RAVER2: variants seen among roughly 807,000 people sequenced by gnomAD.
RAVER2 encodes the protein ribonucleoprotein PTB-binding 2.
A neutral mutation model predicts 78.1 loss-of-function variants in RAVER2; 46 were observed. The observed-to-expected ratio is 0.59, with a 90% CI of 0.46 to 0.75. The LOEUF (loss-of-function observed/expected upper bound fraction) is 0.75. RAVER2 is among the 30% of genes least tolerant of loss of function. The probability of loss-of-function intolerance (pLI) is 0.00; values close to 1 mark genes in which losing one functional copy is unlikely to be tolerated. For missense variants in RAVER2, 793 were observed against 837.5 expected, an observed-to-expected ratio of 0.95 and a Z score of 0.66; for synonymous variants, 311 against 313.3, an observed-to-expected ratio of 0.99 and a Z score of 0.08.
At chr1:64,783,286 A>G (rs752799729) in intron 4 of RAVER2, among the ~76,000 whole-genome samples, 4 of 152,200 alleles carry the variant, frequency 2.6e-5, no homozygotes, top group Non-Finnish European at 4.4e-5. Flanking sequence ...TCTAGGTTCT[A>G]GATCCTTGAG....
At chr1:64,787,785 A>G (rs953717427) in intron 4 of RAVER2, among the ~76,000 whole-genome samples, 8 of 152,160 alleles carry the variant, frequency 5.3e-5, no homozygotes, top group African/African-American at 1.9e-4. Flanking sequence ...AAGTAGTTAC[A>G]CAACTCAAAA....
intron 5 of RAVER2, among the ~76,000 whole-genome samples, chr1:64,792,488 T>TCTAATACTAATACTAATACTAATAATA (rs1652971475): frequency 6.6e-6 from 1 of 152,234 alleles, no homozygotes; most frequent in Non-Finnish European, 1.5e-5. Flanking sequence ...CTTTACTAAT[T>TCTAATACTAATACTAATACTAATAATA]CATCTCAAGT....
At chr1:64,829,828 C>T (rs559635691) in intron 11 of RAVER2, among the ~76,000 whole-genome samples, 2 of 152,296 alleles carry the variant, frequency 1.3e-5, no homozygotes, top group East Asian at 1.9e-4. Context: ...TTGTATTGGT[C>T]TGTCCCCACA....
chr1:64,794,136 C>T (rs982990780), intron 5 of RAVER2, among the ~76,000 whole-genome samples: 2 of 151,400 alleles, frequency 1.3e-5, no homozygotes, highest in South Asian at 2.1e-4. Context: ...CTGGGCCAGG[C>T]GCAGTGGCTC....
At chr1:64,827,133 G>A (rs750084122) in intron 11 of RAVER2, among the ~76,000 whole-genome samples, 3 of 152,180 alleles carry the variant, frequency 2.0e-5, no homozygotes, top group African/African-American at 7.2e-5. Context: ...GCATGAAATT[G>A]GATGAGATCA....
rs145493007 is a variant in RAVER2 at position 64,807,620 on chromosome 1, G to A, written c.1680+146G>A. 20 of 948,024 alleles carry A rather than the reference G, an allele frequency of 2.1e-5. No homozygotes were observed. The African/African-American group carries it at 3.4e-4, about 16-fold the overall frequency. The allele number at this position is 948,024 out of a possible 1,614,324, so 58.7% of individuals were successfully genotyped here. A position where few individuals can be genotyped will look rare whatever the true frequency, so the allele number is the denominator to read the frequency against. ...ACTTTTCAAAATTGAAGAAAACATT[G>A]CATTCTTTTAAAAAATCTGTTATAA... On this transcript the variant is annotated intron_variant, in intron 9 of 11. Transcript: ENST00000294428.
At chr1:64,804,090 G>A (rs996019288) in intron 6 of RAVER2, among the ~76,000 whole-genome samples, 2 of 152,000 alleles carry the variant, frequency 1.3e-5, no homozygotes, top group African/African-American at 2.4e-5. Flanking sequence ...TCCTCCTTTG[G>A]TCTTTTCTCC....
chr1:64,784,272 G>A (rs1329790102), intron 4 of RAVER2, among the ~76,000 whole-genome samples: 1 of 152,154 alleles, frequency 6.6e-6, no homozygotes, highest in African/African-American at 2.4e-5. Flanking sequence ...AGCTACTTGG[G>A]GGGCTGAGGT....
intron 1 of RAVER2, among the ~76,000 whole-genome samples, chr1:64,749,932 G>C (rs1192899575): frequency 6.6e-6 from 1 of 151,798 alleles, no homozygotes; most frequent in Non-Finnish European, 1.5e-5. Context: ...GTTCACTTAG[G>C]TTTTTTTTCT....
intron 11 of RAVER2, among the ~76,000 whole-genome samples, chr1:64,825,358 C>T (rs1328382811): frequency 2.0e-5 from 3 of 152,068 alleles, no homozygotes; most frequent in Non-Finnish European, 4.4e-5. Context: ...TCTCCGTATA[C>T]CTGACTCCAC....
At chr1:64,763,956 C>CACT (rs1570534772) in intron 1 of RAVER2, among the ~76,000 whole-genome samples, 1 of 105,268 alleles carries the variant, frequency 9.5e-6, no homozygotes, top group Non-Finnish European at 2.0e-5. Flanking sequence ...ACACACACAC[C>CACT]CCTACCATGT....
intron 4 of RAVER2, among the ~76,000 whole-genome samples, chr1:64,784,189 G>C (rs1652714885): frequency 6.6e-6 from 1 of 152,160 alleles, no homozygotes; most frequent in South Asian, 2.1e-4. Flanking sequence ...CTCGAGACTA[G>C]TCTGGGAAAC....
chr1:64,831,249 C>A, exon 12 of RAVER2: 1 of 275,242 alleles, frequency 3.6e-6, no homozygotes. Flanking sequence ...AACAATGTTC[C>A]AATATTCCTT....
intron 5 of RAVER2, among the ~76,000 whole-genome samples, chr1:64,790,810 T>C (rs72675425): frequency 0.05 from 7,612 of 152,290 alleles, 300 homozygotes; most frequent in Admixed American, 0.14. Context: ...ACATTTATTA[T>C]GTTTCAGTCC....
At chr1:64,800,513 C>T (rs538447055) in intron 5 of RAVER2, among the ~76,000 whole-genome samples, 2 of 152,050 alleles carry the variant, frequency 1.3e-5, no homozygotes, top group Non-Finnish European at 2.9e-5. Flanking sequence ...TATGAATATT[C>T]CGTTTTCCCA....
chr1:64,745,775 G>A lies in RAVER2; in HGVS notation c.249+354G>A, dbSNP rs1005464053. ...TGAGTTGTGGAGCACACATTTTGCG[G>A]GGGGGAGCGGGGGTAGAGGGGGCCG... On this transcript the variant is annotated intron_variant, in intron 1 of 11. Coordinates refer to ENST00000294428, the Ensembl canonical transcript of RAVER2. This position sits in a 1 kb window ranked among gnomAD's most constrained non-coding sequence, Gnocchi z 4.3. Among the ~76,000 whole-genome samples the A allele has an allele frequency of 6.6e-6, 1 of 152,024 alleles. No individual in the cohort carries two copies.
At chr1:64,811,050 CA>C (rs1484519144) in intron 9 of RAVER2, among the ~76,000 whole-genome samples, 1 of 152,212 alleles carries the variant, frequency 6.6e-6, no homozygotes, top group East Asian at 1.9e-4. Flanking sequence ...AACATGTATA[CA>C]AACCTATTAT....
intron 5 of RAVER2, among the ~76,000 whole-genome samples, chr1:64,796,325 A>G (rs12130991): frequency 0.072 from 10,909 of 152,034 alleles, 521 homozygotes; most frequent in Non-Finnish European, 0.098. Context: ...CTCTTCAGTC[A>G]TCAGGAGAGT....
intron 5 of RAVER2, among the ~76,000 whole-genome samples, chr1:64,796,759 G>A (rs1653107758): frequency 6.6e-6 from 1 of 151,756 alleles, no homozygotes; most frequent in Admixed American, 6.6e-5. Flanking sequence ...TTATTTCATT[G>A]ATTTCCGCTT....
Sources: allele counts gnomAD v4.1 joint callset (sites outside exome capture counted in the v4.1 genomes callset), GRCh38; gene constraint gnomAD v4.1.1; non-coding constraint Gnocchi (gnomAD v3.1); transcripts MANE v1.5; gene names NCBI Gene and HGNC (gene_info 2026-07-23, HGNC 2026-07-21).